Variants in SLC45A3 observed in about 807,000 individuals in gnomAD.
SLC45A3 encodes the protein solute carrier family 45 member 3, also known as prostate cancer associated protein 2.
SLC45A3 carries 17 observed loss-of-function variants against 35.3 expected under a neutral mutation model. That is an observed-to-expected ratio of 0.48 (90% CI 0.33 to 0.72). The LOEUF is 0.72. SLC45A3 is among the 30% of genes least tolerant of loss of function. SLC45A3 has a pLI of 0.02. For missense variants in SLC45A3, 597 were observed against 731.7 expected, an observed-to-expected ratio of 0.82 and a Z score of 2.12; for synonymous variants, 288 against 334.3, an observed-to-expected ratio of 0.86 and a Z score of 1.51.
chr1:205,664,622 C>T lies in SLC45A3; in HGVS notation c.35G>A (p.Arg12Gln), dbSNP rs750292147. The T allele has an allele frequency of 8.1e-6, 13 of 1,614,140 alleles. No individual in the cohort carries two copies. The highest frequency in any genetic ancestry group is 3.3e-5 in the South Asian group (3 of 91,090). The change falls in exon 2 of 5, where the codon CGG (arginine) becomes CAG (glutamine). Residue 12 changes from arginine to glutamine, a missense_variant. By Grantham distance (43) the Arg-to-Gln change is conservative. This residue lies in a region of SLC45A3 where 37 missense variants were observed against 41.1 expected (regional missense o/e 0.90). Coordinates refer to ENST00000367145, the MANE Select transcript of SLC45A3 (RefSeq NM_033102.3). The surrounding 1 kb of genome is among the most constrained non-coding windows in gnomAD (Gnocchi z 5.3). ...VQRLWVSRLL[R>Q]HRKAQLLLVN... is the part of the protein sequence containing the mutation. Reference sequence around the variant, plus strand: ...CAGCAAGAGCTGGGCTTTCCGGTGCCGCAGCAGGCGGCTCACCCACAGCCT... The same window carrying T: ...CAGCAAGAGCTGGGCTTTCCGGTGCTGCAGCAGGCGGCTCACCCACAGCCT...
chr1:205,679,990 C>T (rs1671376778), intron 1 of SLC45A3, among the ~76,000 whole-genome samples: 1 of 151,292 alleles, frequency 6.6e-6, no homozygotes, highest in African/African-American at 2.4e-5. Context: ...AAGTCTGACA[C>T]GGGAGGCTGC....
intron 1 of SLC45A3, among the ~76,000 whole-genome samples, chr1:205,672,365 A>G (rs1266105547): frequency 6.6e-6 from 1 of 152,210 alleles, no homozygotes; most frequent in East Asian, 1.9e-4. Context: ...AGGAAGGCTG[A>G]GAAGGGAGGT....
Position 205,661,845 on chromosome 1 carries a change from A to G in SLC45A3, c.1224+16T>C, listed in dbSNP as rs1671029544. ...CACCCCTCCCACCCTGACTCCACCCACTGGCCAATGAGTACCTGCTTCTCC... is the reference window on the plus strand; with the variant it reads ...CACCCCTCCCACCCTGACTCCACCCGCTGGCCAATGAGTACCTGCTTCTCC... On this transcript the variant is annotated intron_variant, in intron 4 of 4. Coordinates refer to ENST00000367145, the MANE Select transcript of SLC45A3 (RefSeq NM_033102.3). The G allele has an allele frequency of 6.2e-7, 1 of 1,602,042 alleles. No homozygotes were observed. Among genetic ancestry groups the G allele is most frequent in the Non-Finnish European group, 8.5e-7 (1 of 1,171,266 alleles).
In SLC45A3 at chr1:205,664,723, G is replaced by A; in HGVS notation, c.-67C>T. The A allele has an allele frequency of 6.4e-7, 1 of 1,562,832 alleles. No homozygotes were observed. The highest frequency in any genetic ancestry group is 1.2e-5 in the South Asian group (1 of 84,304). Reference sequence around the variant, plus strand: ...TCCAGAACTGCTTCGTCTCGGCTCTGCTCCAGAAGCTGCGGCCTCTCCTCC... The same window carrying A: ...TCCAGAACTGCTTCGTCTCGGCTCTACTCCAGAAGCTGCGGCCTCTCCTCC... On this transcript the variant is annotated 5_prime_UTR_variant, in exon 2 of 5. Coordinates refer to ENST00000367145, the MANE Select transcript of SLC45A3 (RefSeq NM_033102.3). This position sits in a 1 kb window ranked among gnomAD's most constrained non-coding sequence, Gnocchi z 5.3.
intron 1 of SLC45A3, among the ~76,000 whole-genome samples, chr1:205,665,752 A>G (rs1410508231): frequency 6.6e-6 from 1 of 152,220 alleles, no homozygotes; most frequent in Non-Finnish European, 1.5e-5. Flanking sequence ...TCAGCAGAGA[A>G]GTCCCACACC....
intron 1 of SLC45A3, among the ~76,000 whole-genome samples, chr1:205,671,145 T>C (rs1671208652): frequency 6.6e-6 from 1 of 152,234 alleles, no homozygotes; most frequent in Non-Finnish European, 1.5e-5. Context: ...ATTCTGGGGC[T>C]GGCTGACCCT....
rs769630273 is a variant in SLC45A3 at position 205,659,474 on chromosome 1, C to T, written c.1422G>A (p.Val474=). 1.2e-5 allele frequency: 20 copies of T among 1,613,972 alleles called. No homozygotes were observed. The highest frequency in any genetic ancestry group is 1.7e-5 in the Non-Finnish European group (20 of 1,179,946). Residue 474 remains valine, a synonymous_variant, in exon 5 of 5, where the codon GTG becomes GTA. Transcript: ENST00000367145. This position sits in a 1 kb window ranked among gnomAD's most constrained non-coding sequence, Gnocchi z 5.8. The stretch of plus-strand genomic sequence containing the variant: ...CCACCCTGGCCTCGGTGGGCTCACC[C>T]ACCACCACACGTACGGAGACATCAC... ...SACDVSVRVV[V]GEPTEARVVP... is the part of the protein sequence containing the mutation.
chr1:205,664,721 C>A lies in SLC45A3; in HGVS notation c.-65G>T, dbSNP rs1671090411. ...ACTCCAGAACTGCTTCGTCTCGGCT[C>A]TGCTCCAGAAGCTGCGGCCTCTCCT... On this transcript the variant is annotated 5_prime_UTR_variant, in exon 2 of 5. Transcript: ENST00000367145. The surrounding 1 kb of genome is among the most constrained non-coding windows in gnomAD (Gnocchi z 5.3). 1.1e-5 allele frequency: 17 copies of A among 1,574,128 alleles called. No individual in the cohort carries two copies. The South Asian group carries it at 2.0e-4, about 18-fold the overall frequency.
intron 1 of SLC45A3, among the ~76,000 whole-genome samples, chr1:205,668,620 C>T (rs1671156617): frequency 6.6e-6 from 1 of 152,156 alleles, no homozygotes; most frequent in African/African-American, 2.4e-5. Context: ...GCTCCTGGAA[C>T]ACTTTGGCAA....
intron 1 of SLC45A3, among the ~76,000 whole-genome samples, chr1:205,672,428 A>G (rs1167616136): frequency 6.6e-6 from 1 of 152,192 alleles, no homozygotes; most frequent in East Asian, 1.9e-4. Context: ...TTCCATCCAC[A>G]GGGAAAATGA....
Position 205,664,386 on chromosome 1 carries a change from C to A in SLC45A3, c.172+99G>T. 1 of 1,500,880 alleles carries A rather than the reference C, an allele frequency of 6.7e-7. No homozygotes were observed. Among genetic ancestry groups the A allele is most frequent in the Non-Finnish European group, 9.1e-7 (1 of 1,099,552 alleles). The allele number at this position is 1,500,880 out of a possible 1,614,324, so 93.0% of individuals were successfully genotyped here. A position where few individuals can be genotyped will look rare whatever the true frequency, so the allele number is the denominator to read the frequency against. On this transcript the variant is annotated intron_variant, in intron 2 of 4. Coordinates refer to ENST00000367145, the MANE Select transcript of SLC45A3 (RefSeq NM_033102.3). The surrounding 1 kb of genome is among the most constrained non-coding windows in gnomAD (Gnocchi z 5.3). ...CCAGCAATGCCTTCCCAGCAGACCA[C>A]CTCTCCCTCCAAGCAGCTCCCAGGG...
intron 1 of SLC45A3, among the ~76,000 whole-genome samples, chr1:205,676,515 C>A (rs1216184218): frequency 6.6e-6 from 1 of 152,174 alleles, no homozygotes; most frequent in African/African-American, 2.4e-5. Flanking sequence ...GCTGAATATG[C>A]ACATCACGCT....
At position 205,658,242 on chromosome 1, in the gene SLC45A3, G is replaced by C. The variant is rs537940723; in HGVS notation, c.*992C>G. On this transcript the variant is annotated 3_prime_UTR_variant, in exon 5 of 5. Coordinates refer to ENST00000367145, the MANE Select transcript of SLC45A3 (RefSeq NM_033102.3). Reference sequence around the variant, plus strand: ...CTAGAGAGAGTAGAGGGGAGTGGAAGTGGGGGGAACCAGGCTGGGCCAAGA... The same window carrying C: ...CTAGAGAGAGTAGAGGGGAGTGGAACTGGGGGGAACCAGGCTGGGCCAAGA... 7.6e-4 allele frequency: 178 copies of C among 232,920 alleles called. No individual in the cohort carries two copies. The highest frequency in any genetic ancestry group is 3.6e-3 in the African/African-American group (162 of 45,420). 14.4% of individuals were successfully genotyped at this position (232,920 alleles called of 1,614,324 possible).
chr1:205,664,893 G>A lies in SLC45A3; in HGVS notation c.-230-7C>T. On this transcript the variant is annotated splice_polypyrimidine_tract_variant and splice_region_variant and intron_variant, in intron 1 of 4. Coordinates refer to ENST00000367145, the MANE Select transcript of SLC45A3 (RefSeq NM_033102.3). The surrounding 1 kb of genome is among the most constrained non-coding windows in gnomAD (Gnocchi z 5.3). ...ACGTCTCATCACTCAGATCCTAGAA[G>A]GGCGGGGCAATCACAAGCACACGGG... The A allele has an allele frequency of 7.3e-7, 1 of 1,363,016 alleles. No individual in the cohort carries two copies. Among genetic ancestry groups the A allele is most frequent in the Non-Finnish European group, 9.4e-7 (1 of 1,060,508 alleles). 84.4% of individuals were successfully genotyped at this position (1,363,016 alleles called of 1,614,324 possible).
In SLC45A3 at chr1:205,663,151, T is replaced by A; in HGVS notation, c.640A>T (p.Thr214Ser). The change falls in exon 3 of 5, where the codon ACA (threonine) becomes TCA (serine). Residue 214 changes from threonine to serine, a missense_variant. By Grantham distance (58) the Thr-to-Ser change is moderately conservative (BLOSUM62 1). This residue lies in a region of SLC45A3 where 555 missense variants were observed against 664.9 expected (regional missense o/e 0.83). Transcript: ENST00000367145. ...GCTGCCTCCTCAGCCACCAGCAGTG[T>A]GGCTGCTACGCAGGTGAGGAAGATG... Reference protein sequence around the residue: ...TLIFLTCVAATLLVAEEAALG... With the variant: ...TLIFLTCVAASLLVAEEAALG... 1 of 1,611,874 alleles carries A rather than the reference T, an allele frequency of 6.2e-7. No homozygotes were observed. Among genetic ancestry groups the A allele is most frequent in the African/African-American group, 1.3e-5 (1 of 74,946 alleles).
At chr1:205,677,340 C>A (rs1278486119) in intron 1 of SLC45A3, among the ~76,000 whole-genome samples, 1 of 152,154 alleles carries the variant, frequency 6.6e-6, no homozygotes, top group African/African-American at 2.4e-5. Context: ...CGGGCCGATT[C>A]CCTTGCTAAG....
rs948697425 is a variant in SLC45A3 at position 205,657,913 on chromosome 1, C to A, written c.*1321G>T. On this transcript the variant is annotated 3_prime_UTR_variant, in exon 5 of 5. Coordinates refer to ENST00000367145, the MANE Select transcript of SLC45A3 (RefSeq NM_033102.3). ...ACATTATACTCTGATTGCTCACTTA[C>A]AGTATAAAATATTCACCCCGCTAAA... 14 of 212,368 alleles carry A rather than the reference C, an allele frequency of 6.6e-5. No homozygotes were observed. Among genetic ancestry groups the A allele is most frequent in the African/African-American group, 3.2e-4 (14 of 44,078 alleles). The allele number at this position is 212,368 out of a possible 1,614,324, so 13.2% of individuals were successfully genotyped here.
Position 205,664,631 on chromosome 1 carries a change from C to T in SLC45A3, c.26G>A (p.Arg9His), listed in dbSNP as rs1249678477. The stretch of plus-strand genomic sequence containing the variant: ...CTGGGCTTTCCGGTGCCGCAGCAGG[C>T]GGCTCACCCACAGCCTCTGGACCAT... MVQRLWVS[R>H]LLRHRKAQLL... is the part of the protein sequence containing the mutation. The change falls in exon 2 of 5, where the codon CGC (arginine) becomes CAC (histidine). Residue 9 changes from arginine to histidine, a missense_variant. By Grantham distance (29) the Arg-to-His change is conservative. This residue lies in a region of SLC45A3 where 37 missense variants were observed against 41.1 expected (regional missense o/e 0.90). Coordinates refer to ENST00000367145, the MANE Select transcript of SLC45A3 (RefSeq NM_033102.3). The surrounding 1 kb of genome is among the most constrained non-coding windows in gnomAD (Gnocchi z 5.3). The T allele has an allele frequency of 5.6e-6, 9 of 1,614,230 alleles. No individual in the cohort carries two copies. Among genetic ancestry groups the T allele is most frequent in the South Asian group, 2.2e-5 (2 of 91,084 alleles).
rs953916057 is a variant in SLC45A3 at position 205,666,368 on chromosome 1, C to T, written c.-230-1482G>A. 2.0e-5 allele frequency among the ~76,000 whole-genome samples: 3 copies of T among 152,074 alleles called. No homozygotes were observed. The highest frequency in any genetic ancestry group is 7.2e-5 in the African/African-American group (3 of 41,388). ...ACAAAAAATTTAAAAATTATCCAGG[C>T]GTGGTAGTATGCACCTGTGGTCCCA... On this transcript the variant is annotated intron_variant, in intron 1 of 4. Coordinates refer to ENST00000367145, the MANE Select transcript of SLC45A3 (RefSeq NM_033102.3). This position sits in a 1 kb window ranked among gnomAD's most constrained non-coding sequence, Gnocchi z 4.1.
Sources: allele counts gnomAD v4.1 joint callset (sites outside exome capture counted in the v4.1 genomes callset), GRCh38; gene constraint gnomAD v4.1.1; regional missense constraint gnomAD v4.1.1; non-coding constraint Gnocchi (gnomAD v3.1); transcripts MANE v1.5; gene names NCBI Gene and HGNC (gene_info 2026-07-23, HGNC 2026-07-21).